ZMYM4: variants seen among roughly 807,000 people sequenced by gnomAD.
The protein encoded by ZMYM4 is zinc finger MYM-type protein 4.
Under a neutral mutation model 183.2 loss-of-function variants are expected in ZMYM4, and 31 were observed. The ratio of observed to expected loss-of-function variants is 0.17; its 90% confidence interval spans 0.13 to 0.23. The LOEUF (loss-of-function observed/expected upper bound fraction) is 0.23, where lower values mean the gene tolerates loss of function less well. ZMYM4 is among the 10% of genes least tolerant of loss of function. The pLI is 1.00. For synonymous variants in ZMYM4, 592 were observed against 631.2 expected (o/e 0.94, Z 0.93); for missense variants, 1,273 against 1,840.3 (o/e 0.69, Z 5.64).
intron 1 of ZMYM4, among the ~76,000 whole-genome samples, chr1:35,299,577 C>G (rs1300790939): frequency 1.3e-5 from 2 of 152,172 alleles, no homozygotes; most frequent in Non-Finnish European, 2.9e-5. Context: ...ATGCAAACCT[C>G]TGGTTGTGGA....
In ZMYM4 at chr1:35,268,908, A is replaced by G; in HGVS notation, c.-139A>G. On this transcript the variant is annotated 5_prime_UTR_variant, in exon 1 of 30. Transcript: ENST00000314607. ...GGCGCGCGGCATCCGCCCCCTCCCC[A>G]CTCTCGGCGCAAGGCCCGGCCGGGT... 1.0e-6 allele frequency: 1 copy of G among 975,618 alleles called. No individual in the cohort carries two copies. The highest frequency in any genetic ancestry group is 1.3e-6 in the Non-Finnish European group (1 of 745,594). The allele number at this position is 975,618 out of a possible 1,614,324, so 60.4% of individuals were successfully genotyped here.
At chr1:35,307,518 T>C (rs892546958) in intron 1 of ZMYM4, among the ~76,000 whole-genome samples, 1 of 145,552 alleles carries the variant, frequency 6.9e-6, no homozygotes, top group African/African-American at 2.5e-5. Flanking sequence ...TTTAATTATT[T>C]TTATTATTAT....
At chr1:35,335,580 G>T (rs1350009466) in intron 2 of ZMYM4, among the ~76,000 whole-genome samples, 1 of 151,794 alleles carries the variant, frequency 6.6e-6, no homozygotes, top group African/African-American at 2.4e-5. Context: ...TGTTGTATGC[G>T]GTTCTTGTTT....
chr1:35,373,481 CA>C (rs1445817729), intron 7 of ZMYM4, among the ~76,000 whole-genome samples: 1 of 150,762 alleles, frequency 6.6e-6, no homozygotes, highest in Non-Finnish European at 1.5e-5. Context: ...AGGTTAACGC[CA>C]TTCTCCTGCC....
intron 23 of ZMYM4, among the ~76,000 whole-genome samples, chr1:35,401,213 TC>T (rs1644902766): frequency 6.6e-6 from 1 of 152,230 alleles, no homozygotes; most frequent in African/African-American, 2.4e-5. Flanking sequence ...CAGACTGTTT[TC>T]CAAAGGAGAT....
At chr1:35,286,306 GA>G (rs974315637) in intron 1 of ZMYM4, among the ~76,000 whole-genome samples, 19 of 147,928 alleles carry the variant, frequency 1.3e-4, no homozygotes, top group African/African-American at 2.2e-4. Context: ...GAGTCAAGAA[GA>G]AAAAAAAAAT....
At chr1:35,282,882 T>G (rs1640246593) in intron 1 of ZMYM4, among the ~76,000 whole-genome samples, 1 of 151,520 alleles carries the variant, frequency 6.6e-6, no homozygotes, top group Non-Finnish European at 1.5e-5. Flanking sequence ...AGGAACCTTT[T>G]GCACAGGGGC....
At chr1:35,310,340 T>C in intron 1 of ZMYM4, 1 of 269,466 alleles carries the variant, frequency 3.7e-6, no homozygotes, top group Middle Eastern at 1.2e-3. Flanking sequence ...GTAGGTAGTG[T>C]GCTACATGAG....
intron 1 of ZMYM4, among the ~76,000 whole-genome samples, chr1:35,311,519 C>T (rs759146936): frequency 2.0e-5 from 3 of 151,422 alleles, no homozygotes; most frequent in South Asian, 2.1e-4. Context: ...TCAGACCTGG[C>T]GTGGTGGCTC....
chr1:35,343,786 C>G (rs748554697), intron 2 of ZMYM4, among the ~76,000 whole-genome samples: 1 of 151,790 alleles, frequency 6.6e-6, no homozygotes, highest in Non-Finnish European at 1.5e-5. Context: ...ATTGCTTGCA[C>G]CCGGGAGGCG....
chr1:35,374,662 A>G (rs145748215), intron 7 of ZMYM4, among the ~76,000 whole-genome samples: 2,118 of 147,634 alleles, frequency 0.014, 46 homozygotes, highest in African/African-American at 0.05. Context: ...AGTCAGCCAC[A>G]TCTCCGTCTC....
At chr1:35,399,148 G>A in intron 22 of ZMYM4, 105 bp downstream of exon 22, 7 of 1,139,362 alleles carry the variant, frequency 6.1e-6, no homozygotes, top group Non-Finnish European at 8.7e-6. Context: ...GATAATAACA[G>A]TGTAATGTGT....
intron 1 of ZMYM4, among the ~76,000 whole-genome samples, chr1:35,278,924 G>A (rs1220841429): frequency 6.6e-6 from 1 of 152,200 alleles, no homozygotes; most frequent in East Asian, 1.9e-4. Flanking sequence ...TGAGACAGCT[G>A]TTAAGATAGA....
intron 15 of ZMYM4, among the ~76,000 whole-genome samples, chr1:35,391,640 G>A (rs910526452): frequency 2.6e-5 from 4 of 152,180 alleles, no homozygotes; most frequent in African/African-American, 9.6e-5. Context: ...GGTATTGTGT[G>A]TTTGAGGATT....
chr1:35,386,334 C>G (rs181259380), intron 11 of ZMYM4, 145 bp downstream of exon 11: 2 of 580,292 alleles, frequency 3.4e-6, no homozygotes, highest in Non-Finnish European at 5.8e-6. Context: ...ACAGGCTGTA[C>G]AGGTAGCATG....
intron 1 of ZMYM4, among the ~76,000 whole-genome samples, chr1:35,302,422 G>A (rs1376124666): frequency 8.3e-6 from 1 of 120,314 alleles, no homozygotes; most frequent in Non-Finnish European, 1.6e-5. Context: ...GTCTTGCTCT[G>A]TTGTGCAGGC....
chr1:35,286,159 A>G (rs1209027937), intron 1 of ZMYM4, among the ~76,000 whole-genome samples: 1 of 152,218 alleles, frequency 6.6e-6, no homozygotes, highest in African/African-American at 2.4e-5. Flanking sequence ...AGTTATGCCA[A>G]AAACAAAACT....
intron 1 of ZMYM4, among the ~76,000 whole-genome samples, chr1:35,316,255 G>A (rs1222331080): frequency 6.6e-6 from 1 of 152,172 alleles, no homozygotes; most frequent in East Asian, 1.9e-4. Flanking sequence ...GACTATTACA[G>A]TATTGAAATT....
At chr1:35,408,646 A>C (rs1167589790) in intron 26 of ZMYM4, among the ~76,000 whole-genome samples, 1 of 152,186 alleles carries the variant, frequency 6.6e-6, no homozygotes, top group Admixed American at 6.6e-5. Flanking sequence ...CGGAGGCAGG[A>C]GGATCACCTC....
Sources: gnomAD v4.1 joint callset for allele counts (sites outside exome capture counted in the v4.1 genomes callset) on GRCh38, gnomAD v4.1.1 for gene constraint, MANE v1.5 for transcripts, NCBI Gene and HGNC (gene_info 2026-07-23, HGNC 2026-07-21) for gene names.